The following CEP164 variants were observed in gnomAD, a reference collection of about 807,000 sequenced individuals.
The protein encoded by CEP164 is centrosomal protein 164.
Under a neutral mutation model 182.7 loss-of-function variants are expected in CEP164, and 162 were observed. The observed-to-expected ratio is 0.89, with a 90% CI of 0.78 to 1.01. CEP164 has a LOEUF of 1.01. Among genes scored for constraint, CEP164 ranks in the 50% least tolerant of loss-of-function variants. The pLI, the probability that CEP164 is intolerant of heterozygous loss-of-function variation, is 0.00. For synonymous variants in CEP164, 661 were observed against 690.0 expected, an observed-to-expected ratio of 0.96 and a Z score of 0.66; for missense variants, 1,735 against 1,790.4, an observed-to-expected ratio of 0.97 and a Z score of 0.56.
intron 3 of CEP164, among the ~76,000 whole-genome samples, chr11:117,342,398 A>G (rs1169949730): frequency 6.6e-6 from 1 of 152,074 alleles, no homozygotes; most frequent in Non-Finnish European, 1.5e-5. Context: ...ATGTCATTTG[A>G]ATATTTATTT....
At position 117,412,211 on chromosome 11, in the gene CEP164, C is replaced by G; in HGVS notation, c.*43C>G. On this transcript the variant is annotated 3_prime_UTR_variant, in exon 33 of 33. Transcript: ENST00000278935. Reference sequence around the variant, plus strand: ...TGGGGCAGCCCAGCCTCTCCTCCACCCAGACCAAGTGCCTGAGGAGCTGCC... The same window carrying G: ...TGGGGCAGCCCAGCCTCTCCTCCACGCAGACCAAGTGCCTGAGGAGCTGCC... The G allele has an allele frequency of 6.4e-7, 1 of 1,557,420 alleles. No individual in the cohort carries two copies. The highest frequency in any genetic ancestry group is 1.1e-5 in the South Asian group (1 of 87,424).
intron 1 of CEP164, chr11:117,328,322 T>G (rs1225515613): frequency 6.6e-6 from 1 of 152,340 alleles, no homozygotes; most frequent in Non-Finnish European, 1.5e-5. Context: ...CTTGCTGGGA[T>G]ACTTCTGTGG....
At chr11:117,370,635 G>T (rs1332419265) in intron 8 of CEP164, among the ~76,000 whole-genome samples, 1 of 152,194 alleles carries the variant, frequency 6.6e-6, no homozygotes, top group East Asian at 1.9e-4. Context: ...GGTGGGCTGG[G>T]TGTGGTGGCT....
At chr11:117,387,719 T>C (rs1014748441) in intron 15 of CEP164, among the ~76,000 whole-genome samples, 2 of 152,080 alleles carry the variant, frequency 1.3e-5, no homozygotes, top group Non-Finnish European at 2.9e-5. Context: ...CAGTCCCAGG[T>C]TGGGAAAGGT....
chr11:117,369,347 T>C (rs949229723), intron 8 of CEP164, among the ~76,000 whole-genome samples: 4 of 152,210 alleles, frequency 2.6e-5, no homozygotes, highest in Admixed American at 6.5e-5. Flanking sequence ...CTGAGGCACA[T>C]AGAAGTAAAT....
chr11:117,359,412 A>G, intron 5 of CEP164: 1 of 985,422 alleles, frequency 1.0e-6, no homozygotes, highest in Non-Finnish European at 1.2e-6. Flanking sequence ...TTTCTCCTTC[A>G]CAAACATGTT....
chr11:117,358,601 T>C (rs1035533944), intron 5 of CEP164, among the ~76,000 whole-genome samples: 7 of 147,140 alleles, frequency 4.8e-5, no homozygotes, highest in Non-Finnish European at 1.0e-4. Context: ...TGGAGTTCAA[T>C]GGTGTGATCG....
chr11:117,331,949 G>A (rs1294199652), intron 1 of CEP164, among the ~76,000 whole-genome samples: 1 of 149,972 alleles, frequency 6.7e-6, no homozygotes, highest in Non-Finnish European at 1.5e-5. Context: ...CCGAGTAGCT[G>A]GGACCACAGG....
chr11:117,399,956 A>G (rs2045948622), intron 27 of CEP164, among the ~76,000 whole-genome samples: 1 of 152,072 alleles, frequency 6.6e-6, no homozygotes. Context: ...CTCTGATGGT[A>G]GTTTCTTTTG....
At chr11:117,338,770 G>A (rs1402822391) in intron 3 of CEP164, 102 bp downstream of exon 3, 11 of 914,254 alleles carry the variant, frequency 1.2e-5, no homozygotes, top group Non-Finnish European at 1.6e-5. Context: ...TATGGTACAT[G>A]TACAGAGTTG....
In CEP164 at chr11:117,409,059, T is replaced by C. The variant is rs1321044635; in HGVS notation, c.3748+31T>C. 4.3e-6 allele frequency: 7 copies of C among 1,613,134 alleles called. No homozygotes were observed. Among genetic ancestry groups the C allele is most frequent in the South Asian group, 2.2e-5 (2 of 91,026 alleles). The stretch of plus-strand genomic sequence containing the variant: ...TGGGGGAGATGCGGGGTGAGGACCA[T>C]GGTATCCATGGAATGGGAGGAACTT... On this transcript the variant is annotated intron_variant, in intron 29 of 32. Transcript: ENST00000278935. This position sits in a 1 kb window ranked among gnomAD's most constrained non-coding sequence, Gnocchi z 4.4.
At chr11:117,359,314 C>A in intron 5 of CEP164, 1 of 682,392 alleles carries the variant, frequency 1.5e-6, no homozygotes, top group Non-Finnish European at 1.8e-6. Context: ...CAGAGCCAGT[C>A]TCAGGTGGTT....
intron 5 of CEP164, chr11:117,355,032 A>G (rs2040153078): frequency 7.8e-7 from 1 of 1,289,612 alleles, no homozygotes; most frequent in South Asian, 1.2e-5. Flanking sequence ...CTAGATCAAG[A>G]GATGCAGGCT....
chr11:117,325,527 A>G (rs947387820), upstream of CEP164, among the ~76,000 whole-genome samples: 1 of 152,140 alleles, frequency 6.6e-6, no homozygotes, highest in Non-Finnish European at 1.5e-5. Flanking sequence ...CTGGGATTAC[A>G]GGTGCCTGCC....
chr11:117,332,287 A>G lies in CEP164; in HGVS notation c.-97-3318A>G, dbSNP rs148481826. 2.8e-3 allele frequency among the ~76,000 whole-genome samples: 428 copies of G among 152,254 alleles called. 3 individuals carry two copies. The highest frequency in any genetic ancestry group is 9.3e-3 in the African/African-American group (385 of 41,534). On this transcript the variant is annotated intron_variant, in intron 1 of 32. Transcript: ENST00000278935. ...GAAGACACATTTTCATAAAAAAAGT[A>G]ATATTGGCCAGGCACGGTGGCTCAC... is the stretch of plus-strand genomic sequence containing the variant.
rs549185984 is a variant in CEP164, at chr11:117,396,406, C to T, written c.3217-144C>T. ...CCAGCTACCAGTCGTCTCCACCAGT[C>T]AGATGATATCTATAAGTAAACAGTG... On this transcript the variant is annotated intron_variant, in intron 25 of 32. Transcript: ENST00000278935. 3 of 806,974 alleles carry T rather than the reference C, an allele frequency of 3.7e-6. No individual in the cohort carries two copies. The African/African-American group carries it at 5.1e-5, about 14-fold the overall frequency. The allele number at this position is 806,974 out of a possible 1,614,324, so 50.0% of individuals were successfully genotyped here.
Position 117,409,148 on chromosome 11 carries a change from C to T in CEP164, c.3748+120C>T. 1 of 1,337,356 alleles carries T rather than the reference C, an allele frequency of 7.5e-7. No homozygotes were observed. The highest frequency in any genetic ancestry group is 1.0e-6 in the Non-Finnish European group (1 of 974,124). 82.8% of individuals were successfully genotyped at this position (1,337,356 alleles called of 1,614,324 possible). On this transcript the variant is annotated intron_variant, in intron 29 of 32. Coordinates refer to ENST00000278935, the MANE Select transcript of CEP164 (RefSeq NM_014956.5). This position sits in a 1 kb window ranked among gnomAD's most constrained non-coding sequence, Gnocchi z 4.4. The stretch of plus-strand genomic sequence containing the variant: ...GAGGGAGGCCTCTGTGAGCCGGTGT[C>T]TGGACTAGGTGCTCGGTCAGTGCTG...
Position 117,409,082 on chromosome 11 carries a change from C to A in CEP164, c.3748+54C>A. 6.2e-7 allele frequency: 1 copy of A among 1,609,226 alleles called. No individual in the cohort carries two copies. The highest frequency in any genetic ancestry group is 8.5e-7 in the Non-Finnish European group (1 of 1,177,238). ...CATGGTATCCATGGAATGGGAGGAA[C>A]TTGGGGAATAGAAGAAGAGCTCTCT... is the stretch of plus-strand genomic sequence containing the variant. On this transcript the variant is annotated intron_variant, in intron 29 of 32. Transcript: ENST00000278935. The surrounding 1 kb of genome is among the most constrained non-coding windows in gnomAD (Gnocchi z 4.4).
chr11:117,327,459 CTTTTTTTTTT>C (rs760601571), upstream of CEP164, among the ~76,000 whole-genome samples: 1 of 122,618 alleles, frequency 8.2e-6, no homozygotes, highest in African/African-American at 3.1e-5. Flanking sequence ...TCGGGGTCCT[CTTTTTTTTTT>C]TTTTTTTTTT....
Sources: gnomAD v4.1 joint callset for allele counts (sites outside exome capture counted in the v4.1 genomes callset) on GRCh38, gnomAD v4.1.1 for gene constraint, Gnocchi (gnomAD v3.1) non-coding constraint, MANE v1.5 for transcripts, NCBI Gene and HGNC (gene_info 2026-07-23, HGNC 2026-07-21) for gene names.